PKHD1L1: variants seen among roughly 807,000 people sequenced by gnomAD.
PKHD1L1 encodes the protein fibrocystin-L.
Under a neutral mutation model 462.9 loss-of-function variants are expected in PKHD1L1, and 434 were observed. The ratio of observed to expected loss-of-function variants is 0.94; its 90% confidence interval spans 0.87 to 1.02. The LOEUF (loss-of-function observed/expected upper bound fraction) is 1.02. Among genes scored for constraint, PKHD1L1 ranks in the 50% least tolerant of loss-of-function variants. The probability of loss-of-function intolerance (pLI) is 0.00; values close to 1 mark genes in which losing one functional copy is unlikely to be tolerated. For synonymous variants in PKHD1L1, 1,781 were observed against 1,750.0 expected, an observed-to-expected ratio of 1.02 and a Z score of -0.44; for missense variants, 5,202 against 5,096.1, an observed-to-expected ratio of 1.02 and a Z score of -0.63.
chr8:109,417,877 A>C (rs538172785), intron 21 of PKHD1L1, among the ~76,000 whole-genome samples: 2 of 152,258 alleles, frequency 1.3e-5, no homozygotes, highest in East Asian at 3.9e-4. Context: ...GATCTGCTTT[A>C]ATATAGGTCA....
At position 109,471,687 on chromosome 8, in the gene PKHD1L1, C is replaced by G. The variant is rs530247362; in HGVS notation, c.8606-3431C>G. 2.5e-4 allele frequency among the ~76,000 whole-genome samples: 38 copies of G among 152,184 alleles called. No homozygotes were observed. The South Asian group carries it at 5.6e-3, about 22-fold the overall frequency. On this transcript the variant is annotated intron_variant, in intron 50 of 77. Coordinates refer to ENST00000378402, the MANE Select transcript of PKHD1L1 (RefSeq NM_177531.6). ...ACAAAATGCGCTTCTATTTAGACAGCCTTTATTGTAGTAAACTGTTCTTAA... is the reference window on the plus strand; with the variant it reads ...ACAAAATGCGCTTCTATTTAGACAGGCTTTATTGTAGTAAACTGTTCTTAA...
chr8:109,390,478 G>A lies in PKHD1L1; in HGVS notation c.724G>A (p.Asp242Asn), dbSNP rs753434499. 7.7e-5 allele frequency: 111 copies of A among 1,445,828 alleles called. No homozygotes were observed. Among genetic ancestry groups the A allele is most frequent in the Non-Finnish European group, 9.5e-5 (102 of 1,075,610 alleles). The allele number at this position is 1,445,828 out of a possible 1,614,324, so 89.6% of individuals were successfully genotyped here. The change falls in exon 9 of 78, where the codon GAT becomes AAT. Residue 242 changes from aspartate (D) to asparagine (N), a missense_variant. Physicochemically the swap from Asp to Asn is conservative, Grantham distance 23 (BLOSUM62 1). This residue lies in a region of PKHD1L1 where 4,497 missense variants were observed against 4,336.8 expected (regional missense o/e 1.04). Transcript: ENST00000378402. Reference sequence around the variant, plus strand: ...TCATCACAATGTCAGCTTCATCTTAGATAATGATTATGGAAGGTAGGCTAT... The same window carrying A: ...TCATCACAATGTCAGCTTCATCTTAAATAATGATTATGGAAGGTAGGCTAT... ...IGHHNVSFIL[D>N]NDYGRSFPQK...
chr8:109,512,948 C>A (rs1820071528), intron 71 of PKHD1L1, among the ~76,000 whole-genome samples: 1 of 152,092 alleles, frequency 6.6e-6, no homozygotes, highest in Non-Finnish European at 1.5e-5. Flanking sequence ...ATTTTATTTT[C>A]TTTGAAGCAA....
At chr8:109,417,095 C>CA (rs1268932746) in intron 21 of PKHD1L1, among the ~76,000 whole-genome samples, 2 of 151,750 alleles carry the variant, frequency 1.3e-5, no homozygotes, top group African/African-American at 4.8e-5. Flanking sequence ...TTAATGGGTA[C>CA]AAAAAATAGC....
chr8:109,500,997 A>C (rs995588483), intron 67 of PKHD1L1, among the ~76,000 whole-genome samples: 2 of 152,208 alleles, frequency 1.3e-5, no homozygotes, highest in African/African-American at 4.8e-5. Flanking sequence ...CCAGACTCAT[A>C]GAACCTAAAA....
rs1324261503 is a variant in PKHD1L1 at position 109,530,097 on chromosome 8, G to C, written c.*7G>C. 7.4e-6 allele frequency: 10 copies of C among 1,358,638 alleles called. No individual in the cohort carries two copies. The African/African-American group carries it at 1.4e-4, about 19-fold the overall frequency. 84.2% of individuals were successfully genotyped at this position (1,358,638 alleles called of 1,614,324 possible). A position where few individuals can be genotyped will look rare whatever the true frequency, so the allele number is the denominator to read the frequency against. ...TTTTTCAGGAAGCTACTAAAGTGCT[G>C]TTCCGAAGAATAGGCTGAAACAAAA... is the stretch of plus-strand genomic sequence containing the variant. On this transcript the variant is annotated 3_prime_UTR_variant, in exon 78 of 78. Transcript: ENST00000378402.
At chr8:109,446,935 C>G (rs1452354681) in intron 38 of PKHD1L1, among the ~76,000 whole-genome samples, 1 of 152,142 alleles carries the variant, frequency 6.6e-6, no homozygotes, top group Non-Finnish European at 1.5e-5. Flanking sequence ...TATCTTAAAA[C>G]TATTCTGTCC....
chr8:109,508,518 G>T lies in PKHD1L1; in HGVS notation c.11395+254G>T, dbSNP rs140859305. Among the ~76,000 whole-genome samples, 297 of 152,066 alleles carry T rather than the reference G, an allele frequency of 2.0e-3. 3 individuals carry two copies. The highest frequency in any genetic ancestry group is 7.0e-3 in the African/African-American group (292 of 41,492). Reference sequence around the variant, plus strand: ...GAGGGGAAGAGGGATGGAGAGGAGAGCAAGAAGTAGGGGAAAAGTTATTTC... The same window carrying T: ...GAGGGGAAGAGGGATGGAGAGGAGATCAAGAAGTAGGGGAAAAGTTATTTC... On this transcript the variant is annotated intron_variant, in intron 70 of 77. Coordinates refer to ENST00000378402, the MANE Select transcript of PKHD1L1 (RefSeq NM_177531.6).
At chr8:109,401,355 TAAAAG>T (rs1169701045) in intron 13 of PKHD1L1, 137 bp from the exon 14 acceptor site, 2 of 588,066 alleles carry the variant, frequency 3.4e-6, no homozygotes, top group Non-Finnish European at 5.9e-6. Flanking sequence ...TAACAGATCT[TAAAAG>T]AAAAATATAA....
At chr8:109,485,848 C>G (rs371097909) in intron 58 of PKHD1L1, among the ~76,000 whole-genome samples, 1 of 151,944 alleles carries the variant, frequency 6.6e-6, no homozygotes, top group African/African-American at 2.4e-5. Flanking sequence ...CAAAGCAGTA[C>G]TTTAATAGAA....
At chr8:109,388,693 C>G in intron 7 of PKHD1L1, 143 bp downstream of exon 7, 1 of 644,126 alleles carries the variant, frequency 1.6e-6, no homozygotes, top group South Asian at 2.3e-5. Context: ...AGCGCATTAG[C>G]AATCATTTTT....
chr8:109,372,212 C>T lies in PKHD1L1; in HGVS notation c.163+7576C>T, dbSNP rs183182715. Among the ~76,000 whole-genome samples the T allele has an allele frequency of 2.3e-3, 353 of 152,182 alleles. 4 individuals are homozygous for T. The highest frequency in any genetic ancestry group is 0.023 in the Admixed American group (349 of 15,284). On this transcript the variant is annotated intron_variant, in intron 2 of 77. Coordinates refer to ENST00000378402, the MANE Select transcript of PKHD1L1 (RefSeq NM_177531.6). ...TGGTTTGTAGTTCTCCTTGAAGAGGCCCTTCACATCCCTTGAAATTTGGAT... is the reference window on the plus strand; with the variant it reads ...TGGTTTGTAGTTCTCCTTGAAGAGGTCCTTCACATCCCTTGAAATTTGGAT...
chr8:109,521,086 C>T (rs1820529244), intron 73 of PKHD1L1, among the ~76,000 whole-genome samples: 2 of 152,128 alleles, frequency 1.3e-5, no homozygotes, highest in South Asian at 4.1e-4. Flanking sequence ...AAGACTGAGC[C>T]TTTTTCCAAA....
intron 57 of PKHD1L1, among the ~76,000 whole-genome samples, chr8:109,484,802 G>A (rs1454614298): frequency 1.3e-5 from 2 of 151,682 alleles, no homozygotes; most frequent in African/African-American, 2.4e-5. Context: ...ATATTGCTGT[G>A]GTTTTACTAA....
intron 51 of PKHD1L1, among the ~76,000 whole-genome samples, chr8:109,476,191 C>A (rs1817977661): frequency 6.6e-6 from 1 of 151,618 alleles, no homozygotes; most frequent in Non-Finnish European, 1.5e-5. Flanking sequence ...CACATACACA[C>A]ATCACATATA....
intron 63 of PKHD1L1, among the ~76,000 whole-genome samples, chr8:109,494,798 T>A (rs1819007876): frequency 6.6e-6 from 1 of 151,926 alleles, no homozygotes; most frequent in Admixed American, 6.6e-5. Flanking sequence ...GCATACTTTT[T>A]AAATAACCTC....
At position 109,376,545 on chromosome 8, in the gene PKHD1L1, C is replaced by T. The variant is rs140400719; in HGVS notation, c.164-4825C>T. On this transcript the variant is annotated intron_variant, in intron 2 of 77. Coordinates refer to ENST00000378402, the MANE Select transcript of PKHD1L1 (RefSeq NM_177531.6). ...CCGGCACTCCCCAGTGAGATGAACCCGGTACCTCAGTTGGAAATGCAGAAA... is the reference window on the plus strand; with the variant it reads ...CCGGCACTCCCCAGTGAGATGAACCTGGTACCTCAGTTGGAAATGCAGAAA... Among the ~76,000 whole-genome samples the T allele has an allele frequency of 1.6e-3, 247 of 152,264 alleles. 1 individual carries two copies. The highest frequency in any genetic ancestry group is 4.4e-3 in the South Asian group (21 of 4,822).
intron 38 of PKHD1L1, 68 bp downstream of exon 38, chr8:109,445,713 A>G: frequency 7.2e-7 from 1 of 1,396,448 alleles, no homozygotes. Context: ...ATGGAATTGG[A>G]ATGATATTTG....
intron 59 of PKHD1L1, 67 bp downstream of exon 59, chr8:109,486,888 T>C (rs2036446474): frequency 7.2e-7 from 1 of 1,384,866 alleles, no homozygotes; most frequent in Admixed American, 2.2e-5. Context: ...TGTAGTCAGC[T>C]CTTACATAAT....
Sources: gnomAD v4.1 joint callset for allele counts (sites outside exome capture counted in the v4.1 genomes callset) on GRCh38, gnomAD v4.1.1 for gene constraint, gnomAD v4.1.1 regional missense constraint, MANE v1.5 for transcripts, NCBI Gene and HGNC (gene_info 2026-07-23, HGNC 2026-07-21) for gene names.